Variants in PPFIA2 observed in about 807,000 individuals in gnomAD.
PPFIA2 encodes the protein liprin-alpha-2.
Under a neutral mutation model 175.5 loss-of-function variants are expected in PPFIA2, and 46 were observed. That is an observed-to-expected ratio of 0.26 (90% CI 0.21 to 0.34). The LOEUF is 0.34. Among genes scored for constraint, PPFIA2 ranks in the 10% least tolerant of loss-of-function variants. PPFIA2 has a pLI of 1.00. For synonymous variants in PPFIA2, 568 were observed against 511.4 expected, an observed-to-expected ratio of 1.11 and a Z score of -1.49; for missense variants, 1,179 against 1,506.1, an observed-to-expected ratio of 0.78 and a Z score of 3.60.
chr12:81,704,200 G>A lies in PPFIA2; in HGVS notation c.250-27356C>T, dbSNP rs532729713. ...ATGTACACTTAAATAGTGAAGTAGG[G>A]TGTGCAAATTATAACATTAAACAGG... On this transcript the variant is annotated intron_variant, in intron 3 of 32. Coordinates refer to ENST00000549396, the MANE Select transcript of PPFIA2 (RefSeq NM_003625.5). 6.6e-5 allele frequency among the ~76,000 whole-genome samples: 10 copies of A among 152,226 alleles called. No individual in the cohort carries two copies. The East Asian group carries it at 1.7e-3, about 26-fold the overall frequency.
intron 25 of PPFIA2, 146 bp from the exon 26 acceptor site, chr12:81,283,185 C>G: frequency 1.4e-6 from 1 of 700,816 alleles, no homozygotes; most frequent in Non-Finnish European, 2.4e-6. Context: ...ATTCATAGAC[C>G]CACAGTGATC....
At chr12:81,342,206 A>T (rs952251365) in intron 19 of PPFIA2, among the ~76,000 whole-genome samples, 1 of 151,988 alleles carries the variant, frequency 6.6e-6, no homozygotes, top group African/African-American at 2.4e-5. Context: ...GTAACTTAAA[A>T]TTTTTTCCAA....
At chr12:81,553,809 G>A (rs1475976028) in intron 4 of PPFIA2, among the ~76,000 whole-genome samples, 1 of 152,048 alleles carries the variant, frequency 6.6e-6, no homozygotes, top group Non-Finnish European at 1.5e-5. Context: ...TGATAAGGTG[G>A]TGTTTTAAGC....
chr12:81,278,611 T>A (rs2041232290), intron 27 of PPFIA2, among the ~76,000 whole-genome samples: 1 of 151,124 alleles, frequency 6.6e-6, no homozygotes, highest in Non-Finnish European at 1.5e-5. Context: ...GAGAAATAAG[T>A]AATCAGAGAA....
At chr12:81,637,342 G>T (rs2064239238) in intron 4 of PPFIA2, among the ~76,000 whole-genome samples, 1 of 133,882 alleles carries the variant, frequency 7.5e-6, no homozygotes. Flanking sequence ...AACCTCAGGT[G>T]TTCCGCCCGC....
chr12:81,268,300 G>A (rs1430851780), intron 28 of PPFIA2, among the ~76,000 whole-genome samples: 10 of 150,832 alleles, frequency 6.6e-5, no homozygotes, highest in African/African-American at 1.5e-4. Flanking sequence ...CACTACGCCC[G>A]GCTAATTTTT....
chr12:81,350,666 C>T (rs2059857685), intron 17 of PPFIA2, among the ~76,000 whole-genome samples: 1 of 151,964 alleles, frequency 6.6e-6, no homozygotes, highest in Admixed American at 6.6e-5. Flanking sequence ...GGTTGGTATC[C>T]TAAGAACAAT....
At chr12:81,567,787 C>T (rs896378458) in intron 4 of PPFIA2, among the ~76,000 whole-genome samples, 4 of 152,188 alleles carry the variant, frequency 2.6e-5, no homozygotes, top group Non-Finnish European at 5.9e-5. Flanking sequence ...TGTGTCCTTT[C>T]TACTGAAACT....
At chr12:81,442,873 A>G (rs866330019) in intron 6 of PPFIA2, among the ~76,000 whole-genome samples, 2 of 103,266 alleles carry the variant, frequency 1.9e-5, no homozygotes. Flanking sequence ...ATATATATAT[A>G]TATATATATA....
intron 4 of PPFIA2, among the ~76,000 whole-genome samples, chr12:81,614,992 C>A (rs147937648): frequency 3.3e-5 from 5 of 152,112 alleles, no homozygotes; most frequent in African/African-American, 1.2e-4. Flanking sequence ...AAAATTACAT[C>A]TTGGTACTGC....
rs1297119106 is a variant in PPFIA2 at position 81,661,334 on chromosome 12, A to G, written c.303+15457T>C. On this transcript the variant is annotated intron_variant, in intron 4 of 32. Coordinates refer to ENST00000549396, the MANE Select transcript of PPFIA2 (RefSeq NM_003625.5). ...ACGTGCAGAGACACACATAGGCTCA[A>G]AATAAAGGGATGGAGGAAGATCTAC... Among the ~76,000 whole-genome samples the G allele has an allele frequency of 3.3e-5, 5 of 152,208 alleles. No homozygotes were observed. In the East Asian group the frequency reaches 7.7e-4, roughly 23 times the overall value.
intron 3 of PPFIA2, among the ~76,000 whole-genome samples, chr12:81,740,872 T>TG: frequency 1.3e-5 from 2 of 152,230 alleles, no homozygotes. Flanking sequence ...TATTCCAAAG[T>TG]GAAAAACTAA....
intron 4 of PPFIA2, among the ~76,000 whole-genome samples, chr12:81,484,713 T>C (rs1038368471): frequency 1.3e-5 from 2 of 151,966 alleles, no homozygotes; most frequent in African/African-American, 4.8e-5. Flanking sequence ...TTTAAATCTC[T>C]ACTTTGGCAT....
chr12:81,495,518 T>A (rs866809599), intron 4 of PPFIA2, among the ~76,000 whole-genome samples: 1 of 151,640 alleles, frequency 6.6e-6, no homozygotes, highest in African/African-American at 2.4e-5. Context: ...TTTTAAAATG[T>A]GTAGGGCTAG....
chr12:81,468,795 T>C (rs1054932648), intron 4 of PPFIA2, among the ~76,000 whole-genome samples: 5 of 152,214 alleles, frequency 3.3e-5, no homozygotes, highest in Admixed American at 6.5e-5. Context: ...TTGAAGAATT[T>C]AACTGTGTAC....
At chr12:81,328,523 C>T (rs1445682739) in intron 21 of PPFIA2, among the ~76,000 whole-genome samples, 1 of 152,028 alleles carries the variant, frequency 6.6e-6, no homozygotes, top group Non-Finnish European at 1.5e-5. Flanking sequence ...AAATTAATCC[C>T]ACCTATCTCT....
At chr12:81,369,427 A>T in intron 11 of PPFIA2, 1 of 1,348,524 alleles carries the variant, frequency 7.4e-7, no homozygotes, top group Non-Finnish European at 9.6e-7. Context: ...GAGCAATGAA[A>T]TCAGCCAAAT....
At chr12:81,642,966 T>C (rs2065525463) in intron 4 of PPFIA2, among the ~76,000 whole-genome samples, 2 of 32,810 alleles carry the variant, frequency 6.1e-5, no homozygotes, top group Admixed American at 3.2e-4. Flanking sequence ...TATACACACA[T>C]ATATAAATTA....
chr12:81,422,132 A>ATATATGTGTATATATATGTGTG (rs1373796963), intron 7 of PPFIA2, among the ~76,000 whole-genome samples: 2 of 76,792 alleles, frequency 2.6e-5, no homozygotes, highest in African/African-American at 1.6e-4. Context: ...ATGTGTGTAT[A>ATATATGTGTATATATATGTGTG]TATATGTGTA....
Sources: allele counts gnomAD v4.1 joint callset (sites outside exome capture counted in the v4.1 genomes callset), GRCh38; gene constraint gnomAD v4.1.1; transcripts MANE v1.5; gene names NCBI Gene and HGNC (gene_info 2026-07-23, HGNC 2026-07-21).